SPON2: variants seen among roughly 807,000 people sequenced by gnomAD.
SPON2 encodes spondin-2.
A neutral mutation model predicts 29.9 loss-of-function variants in SPON2; 32 were observed. The observed-to-expected ratio is 1.07, with a 90% CI of 0.81 to 1.44. SPON2 has a LOEUF of 1.44. Among genes scored for constraint, SPON2 ranks in the 40% most tolerant of loss-of-function variants. SPON2 has a pLI of 0.00. For missense variants in SPON2, 541 were observed against 455.5 expected, an observed-to-expected ratio of 1.19 and a Z score of -1.71; for synonymous variants, 248 against 209.1, an observed-to-expected ratio of 1.19 and a Z score of -1.61.
chr4:1,181,773 C>T (rs1382267906), intron 1 of SPON2, among the ~76,000 whole-genome samples: 2 of 152,186 alleles, frequency 1.3e-5, no homozygotes, highest in African/African-American at 4.8e-5. Flanking sequence ...GGATGTTGTC[C>T]TTCAGATATT....
chr4:1,208,485 G>C (rs1033882411), upstream of SPON2: 1 of 152,232 alleles, frequency 6.6e-6, no homozygotes, highest in African/African-American at 2.4e-5. Context: ...ATCAGCAGCC[G>C]CAGGAGAGTT....
intron 1 of SPON2, among the ~76,000 whole-genome samples, chr4:1,186,064 G>T (rs1487590819): frequency 1.4e-5 from 2 of 145,688 alleles, no homozygotes; most frequent in Non-Finnish European, 3.1e-5. Context: ...CTAACACGGT[G>T]AAACCCCATC....
chr4:1,193,603 G>A (rs949147502), intron 1 of SPON2, among the ~76,000 whole-genome samples: 1 of 103,888 alleles, frequency 9.6e-6, no homozygotes, highest in Non-Finnish European at 2.1e-5. Context: ...AAGAACGTGG[G>A]GGGCATGGGA....
chr4:1,180,703 A>G (rs1727687791), intron 1 of SPON2, among the ~76,000 whole-genome samples: 1 of 152,254 alleles, frequency 6.6e-6, no homozygotes, highest in Non-Finnish European at 1.5e-5. Flanking sequence ...TAGAGAACCA[A>G]GTAGAAATTC....
rs779082444 is a variant in SPON2, at chr4:1,171,442, A to C, written c.265T>G (p.Tyr89Asp). Residue 89 changes from tyrosine to aspartate, a missense_variant, in exon 3 of 6, where the codon TAC becomes GAC. Coordinates refer to ENST00000290902, the MANE Select transcript of SPON2 (RefSeq NM_012445.4). Reference protein sequence around the residue: ...SDYSMWRKNQYVSNGLRDFAE... With the variant: ...SDYSMWRKNQDVSNGLRDFAE... The stretch of plus-strand genomic sequence containing the variant: ...AAGTCGCGCAGCCCGTTACTGACGT[A>C]CTGGTTCTTCCTCCACATGCTGTAG... 1 of 1,612,164 alleles carries C rather than the reference A, an allele frequency of 6.2e-7. No homozygotes were observed. Among genetic ancestry groups the C allele is most frequent in the South Asian group, 1.1e-5 (1 of 91,068 alleles).
Position 1,180,200 on chromosome 4 carries a change from G to A in SPON2, c.-238-659C>T, listed in dbSNP as rs79260840. Among the ~76,000 whole-genome samples the A allele has an allele frequency of 2.4e-4, 37 of 152,276 alleles. No homozygotes were observed. The East Asian group carries it at 6.9e-3, about 29-fold the overall frequency. ...TTAACTGCCCGACTGAGTGTTGAAAGCATTCTCTAATGCATAGAACCTCAA... is the reference window on the plus strand; with the variant it reads ...TTAACTGCCCGACTGAGTGTTGAAAACATTCTCTAATGCATAGAACCTCAA... On this transcript the variant is annotated intron_variant, in intron 1 of 3. Transcript: ENST00000502483.
At chr4:1,180,554 A>G (rs932345295) in intron 1 of SPON2, among the ~76,000 whole-genome samples, 3 of 152,248 alleles carry the variant, frequency 2.0e-5, no homozygotes, top group Admixed American at 6.5e-5. Context: ...GGAAGACAAG[A>G]TGCTGGATGT....
At chr4:1,175,022 A>G (rs1727564346), upstream of SPON2, among the ~76,000 whole-genome samples, 2 of 152,194 alleles carry the variant, frequency 1.3e-5, no homozygotes, top group South Asian at 4.1e-4. Context: ...CAGGCCCTCC[A>G]CGAGTCCCCA....
intron 1 of SPON2, among the ~76,000 whole-genome samples, chr4:1,186,011 G>A (rs11247976): frequency 0.79 from 117,970 of 149,422 alleles, 46,769 homozygotes; most frequent in Admixed American, 0.82. Context: ...TTGGGAGGCC[G>A]AGGCGGGCGG....
At chr4:1,203,589 C>T (rs1325280181) in intron 1 of SPON2, among the ~76,000 whole-genome samples, 1 of 152,112 alleles carries the variant, frequency 6.6e-6, no homozygotes, top group Non-Finnish European at 1.5e-5. Context: ...TGTGGATAAG[C>T]TTTTGTTTCT....
At chr4:1,172,264 G>A (rs918595141) in intron 1 of SPON2, 190 bp from the exon 2 acceptor site, 18 of 609,984 alleles carry the variant, frequency 3.0e-5, no homozygotes, top group Admixed American at 1.8e-4. Context: ...CGCGGGGTTA[G>A]ATCGCCCGTG....
intron 1 of SPON2, among the ~76,000 whole-genome samples, chr4:1,192,442 C>G (rs1004177373): frequency 6.6e-6 from 1 of 152,362 alleles, no homozygotes; most frequent in East Asian, 1.9e-4. Context: ...CTCTCAATCT[C>G]TTGACACGAT....
In SPON2 at chr4:1,205,709, C is replaced by T. The variant is rs546869278; in HGVS notation, c.-234+2171G>A. On this transcript the variant is annotated intron_variant, in intron 1 of 3. Coordinates refer to the SPON2 transcript ENST00000509233. The stretch of plus-strand genomic sequence containing the variant: ...ATCAGGGGAGATGCTGGCGTCACCA[C>T]GGCCCCAGGGCCTCCAGGCCCGCCC... Among the ~76,000 whole-genome samples the T allele has an allele frequency of 1.5e-4, 23 of 152,272 alleles. No individual in the cohort carries two copies. The South Asian group carries it at 4.1e-3, about 27-fold the overall frequency.
At chr4:1,193,797 GT>G (rs1477363403) in intron 1 of SPON2, among the ~76,000 whole-genome samples, 1 of 27,556 alleles carries the variant, frequency 3.6e-5, no homozygotes, top group Non-Finnish European at 7.1e-5. Flanking sequence ...ACGTGGGGGG[GT>G]GGCGTGGGAA....
At chr4:1,194,899 A>T (rs2335913) in intron 1 of SPON2, 26 of 89,100 alleles carry the variant, frequency 2.9e-4, no homozygotes, top group South Asian at 7.7e-4. Flanking sequence ...ACAGCCGGCG[A>T]CTCCAACCCC....
chr4:1,171,575 C>T, intron 2 of SPON2, 89 bp from the exon 3 acceptor site: 1 of 1,341,386 alleles, frequency 7.5e-7, no homozygotes, highest in Non-Finnish European at 1.0e-6. Flanking sequence ...AATCCCTCCC[C>T]GCCGCCCGCA....
chr4:1,169,569 C>G (rs1185066866), intron 5 of SPON2, among the ~76,000 whole-genome samples: 1 of 152,204 alleles, frequency 6.6e-6, no homozygotes, highest in Non-Finnish European at 1.5e-5. Context: ...AAGACGACAT[C>G]TGTCCCTACC....
At chr4:1,178,360 C>T (rs1727645029) in intron 2 of SPON2, among the ~76,000 whole-genome samples, 1 of 152,206 alleles carries the variant, frequency 6.6e-6, no homozygotes, top group Non-Finnish European at 1.5e-5. Flanking sequence ...ACTTCAGACT[C>T]GCAGGGATGG....
At chr4:1,176,653 AT>A (rs1727605834), upstream of SPON2, among the ~76,000 whole-genome samples, 1 of 152,030 alleles carries the variant, frequency 6.6e-6, no homozygotes, top group Non-Finnish European at 1.5e-5. Context: ...TCATTCACTA[AT>A]TCACTCACAC....
Sources: gnomAD v4.1 joint callset for allele counts (sites outside exome capture counted in the v4.1 genomes callset) on GRCh38, gnomAD v4.1.1 for gene constraint, MANE v1.5 for transcripts, NCBI Gene and HGNC (gene_info 2026-07-23, HGNC 2026-07-21) for gene names.